The following TLN2 variants were observed in gnomAD, a reference collection of about 807,000 sequenced individuals.
The protein encoded by TLN2 is talin 2.
Under a neutral mutation model 294.7 loss-of-function variants are expected in TLN2, and 118 were observed. The observed-to-expected ratio is 0.40, with a 90% confidence interval of 0.34 to 0.47. The LOEUF (loss-of-function observed/expected upper bound fraction) is 0.47, where lower values mean the gene tolerates loss of function less well. Among genes scored for constraint, TLN2 ranks in the 20% least tolerant of loss-of-function variants. The pLI is 0.84. For synonymous variants in TLN2, 1,431 were observed against 1,304.5 expected (o/e 1.10, Z -2.09); for missense variants, 3,083 against 3,282.2 (o/e 0.94, Z 1.48).
At chr15:62,783,731 G>C (rs1196950527) in intron 44 of TLN2, 40 bp from the exon 45 acceptor site, 4 of 1,435,982 alleles carry the variant, frequency 2.8e-6, no homozygotes, top group African/African-American at 1.4e-5. Context: ...CTGTGTGTGT[G>C]TGTGTGTGTG....
In TLN2 at chr15:62,805,636, T is replaced by C; in HGVS notation, c.6514T>C (p.Ser2172Pro). Residue 2172 changes from serine (S) to proline (P), a missense_variant, in exon 51 of 59, where the codon TCA becomes CCA. Coordinates refer to ENST00000636159, the MANE Select transcript of TLN2 (RefSeq NM_015059.3). ...QSKDVPEKTSSPEESIRMTKG... is the reference protein window; with the variant it reads ...QSKDVPEKTSPPEESIRMTKG... Reference sequence around the variant, plus strand: ...AAAAGACGTACCTGAAAAGACATCATCACCTGAAGAATCCATAAGGATGAC... The same window carrying C: ...AAAAGACGTACCTGAAAAGACATCACCACCTGAAGAATCCATAAGGATGAC... 1 of 1,613,140 alleles carries C rather than the reference T, an allele frequency of 6.2e-7. No individual in the cohort carries two copies. Among genetic ancestry groups the C allele is most frequent in the Non-Finnish European group, 8.5e-7 (1 of 1,179,362 alleles).
At chr15:62,637,614 T>C (rs1172378302) in intron 3 of TLN2, 1 of 152,242 alleles carries the variant, frequency 6.6e-6, no homozygotes, top group Non-Finnish European at 1.5e-5. Context: ...TCCAGCCTAT[T>C]GATCATATCC....
chr15:62,629,586 C>T (rs1336665515), intron 3 of TLN2, among the ~76,000 whole-genome samples: 1 of 152,104 alleles, frequency 6.6e-6, no homozygotes, highest in Non-Finnish European at 1.5e-5. Flanking sequence ...CCAAAGTTGT[C>T]CTGACATTCC....
At chr15:62,442,070 A>G (rs191593228) in intron 1 of TLN2, among the ~76,000 whole-genome samples, 16 of 152,264 alleles carry the variant, frequency 1.1e-4, no homozygotes, top group East Asian at 9.7e-4. Context: ...GGATGGGGTC[A>G]TGGGAACCCT....
At chr15:62,402,771 T>G (rs1262188171) in intron 1 of TLN2, among the ~76,000 whole-genome samples, 1 of 152,234 alleles carries the variant, frequency 6.6e-6, no homozygotes, top group Non-Finnish European at 1.5e-5. Flanking sequence ...TAGAAGCTAC[T>G]TTCATCATCT....
intron 1 of TLN2, among the ~76,000 whole-genome samples, chr15:62,565,160 C>A (rs939805811): frequency 6.6e-6 from 1 of 151,978 alleles, no homozygotes; most frequent in Non-Finnish European, 1.5e-5. Flanking sequence ...AGCCAACACT[C>A]AGGAGACAAA....
Position 62,772,518 on chromosome 15 carries a change from C to A in TLN2, c.5367+1384C>A, listed in dbSNP as rs563857583. On this transcript the variant is annotated intron_variant, in intron 42 of 58. Transcript: ENST00000636159. Reference sequence around the variant, plus strand: ...TGCACCCTCAAAGGGGTGCCTCCCCCAAACTGGAGGAGGCAGAACTTACCC... The same window carrying A: ...TGCACCCTCAAAGGGGTGCCTCCCCAAAACTGGAGGAGGCAGAACTTACCC... Among the ~76,000 whole-genome samples, 106 of 152,266 alleles carry A rather than the reference C, an allele frequency of 7.0e-4. No homozygotes were observed. The Middle Eastern group carries it at 0.02, about 29-fold the overall frequency.
At chr15:62,714,742 C>T (rs2059660548) in intron 22 of TLN2, among the ~76,000 whole-genome samples, 1 of 151,950 alleles carries the variant, frequency 6.6e-6, no homozygotes, top group African/African-American at 2.4e-5. Context: ...GTTAGACTTC[C>T]AAGGATTATA....
intron 2 of TLN2, among the ~76,000 whole-genome samples, chr15:62,608,848 G>T (rs532068958): frequency 2.6e-5 from 4 of 152,098 alleles, no homozygotes; most frequent in Non-Finnish European, 5.9e-5. Flanking sequence ...GACTAGGAGA[G>T]AACTTGAGGA....
chr15:62,736,389 G>A (rs1304099625), intron 28 of TLN2, among the ~76,000 whole-genome samples: 1 of 152,110 alleles, frequency 6.6e-6, no homozygotes, highest in African/African-American at 2.4e-5. Flanking sequence ...TGGTATGAAG[G>A]GAGCATTGAC....
At chr15:62,426,449 C>T (rs958660978) in intron 1 of TLN2, among the ~76,000 whole-genome samples, 3 of 152,294 alleles carry the variant, frequency 2.0e-5, no homozygotes, top group Admixed American at 1.3e-4. Flanking sequence ...TGGGAGGAGA[C>T]AGACGGCTGC....
intron 1 of TLN2, among the ~76,000 whole-genome samples, chr15:62,403,549 A>C (rs1456213876): frequency 6.6e-6 from 1 of 152,164 alleles, no homozygotes; most frequent in Non-Finnish European, 1.5e-5. Flanking sequence ...CACACTTATT[A>C]AGGTAGTGGC....
chr15:62,567,234 A>G (rs2043477566), intron 1 of TLN2, among the ~76,000 whole-genome samples: 1 of 152,244 alleles, frequency 6.6e-6, no homozygotes, highest in African/African-American at 2.4e-5. Context: ...CCTTATTAGC[A>G]TAAAGAATGA....
intron 1 of TLN2, among the ~76,000 whole-genome samples, chr15:62,533,054 G>C (rs886739567): frequency 6.6e-6 from 1 of 151,966 alleles, no homozygotes; most frequent in East Asian, 1.9e-4. Flanking sequence ...AGGAGTTTGA[G>C]ACCAGCCTGG....
chr15:62,759,299 G>C lies in TLN2; in HGVS notation c.4639-2382G>C, dbSNP rs565919433. 2.0e-5 allele frequency among the ~76,000 whole-genome samples: 3 copies of C among 152,244 alleles called. No homozygotes were observed. The East Asian group carries it at 5.8e-4, about 29-fold the overall frequency. ...ATGCCTTTTCTGGATAAAATAACTTGTCCTTTTTGAGAATGGAAAATGATT... is the reference window on the plus strand; with the variant it reads ...ATGCCTTTTCTGGATAAAATAACTTCTCCTTTTTGAGAATGGAAAATGATT... On this transcript the variant is annotated intron_variant, in intron 37 of 58. Transcript: ENST00000636159.
At chr15:62,473,658 A>G (rs1312256213) in intron 1 of TLN2, among the ~76,000 whole-genome samples, 2 of 152,270 alleles carry the variant, frequency 1.3e-5, no homozygotes, top group Non-Finnish European at 2.9e-5. Context: ...TAGCAGAAGC[A>G]GAGGGCTTCA....
chr15:62,447,586 T>C (rs1066670), intron 1 of TLN2, among the ~76,000 whole-genome samples: 104,704 of 150,950 alleles, frequency 0.69, 36,668 homozygotes, highest in East Asian at 0.99. Flanking sequence ...CTCCGCCTCC[T>C]GGGTTCACGC....
chr15:62,634,936 C>T (rs2050240600), intron 3 of TLN2, among the ~76,000 whole-genome samples: 1 of 152,166 alleles, frequency 6.6e-6, no homozygotes, highest in Non-Finnish European at 1.5e-5. Context: ...CTTTTCTCTG[C>T]CTCTTTTCTG....
chr15:62,551,690 C>A (rs749631526), intron 1 of TLN2, among the ~76,000 whole-genome samples: 3 of 152,182 alleles, frequency 2.0e-5, no homozygotes, highest in Non-Finnish European at 4.4e-5. Context: ...CAGAGCGAGA[C>A]TCTGTCTCAA....
Sources: allele counts gnomAD v4.1 joint callset (sites outside exome capture counted in the v4.1 genomes callset), GRCh38; gene constraint gnomAD v4.1.1; transcripts MANE v1.5; gene names NCBI Gene and HGNC (gene_info 2026-07-23, HGNC 2026-07-21).